LHPP: variants seen among roughly 807,000 people sequenced by gnomAD.
LHPP encodes hLHPP.
A neutral mutation model predicts 30.3 loss-of-function variants in LHPP; 24 were observed. That is an observed-to-expected ratio of 0.79 (90% CI 0.57 to 1.11). The LOEUF is 1.11. Ranked by LOEUF, LHPP falls within the 50% of genes most tolerant of loss-of-function variation. The probability of loss-of-function intolerance (pLI) is 0.00; values close to 1 mark genes in which losing one functional copy is unlikely to be tolerated. For missense variants in LHPP, 356 were observed against 367.2 expected (o/e 0.97, Z 0.25); for synonymous variants, 150 against 157.1 (o/e 0.95, Z 0.34).
chr10:124,554,724 G>T (rs1948263026), intron 6 of LHPP, among the ~76,000 whole-genome samples: 1 of 152,244 alleles, frequency 6.6e-6, no homozygotes, highest in African/African-American at 2.4e-5. Flanking sequence ...TGGGCTGTTA[G>T]CTTGGCGGGT....
At chr10:124,558,012 C>T (rs1259192285) in intron 6 of LHPP, among the ~76,000 whole-genome samples, 1 of 152,158 alleles carries the variant, frequency 6.6e-6, no homozygotes, top group Non-Finnish European at 1.5e-5. Context: ...GGAGCCTGTC[C>T]TCTTGTATCT....
intron 6 of LHPP, among the ~76,000 whole-genome samples, chr10:124,584,683 G>T (rs1193347112): frequency 6.6e-6 from 1 of 152,124 alleles, no homozygotes; most frequent in Non-Finnish European, 1.5e-5. Context: ...CATGAATTCT[G>T]GGGGGACATT....
At chr10:124,595,161 G>A (rs1308405421) in intron 6 of LHPP, among the ~76,000 whole-genome samples, 1 of 152,224 alleles carries the variant, frequency 6.6e-6, no homozygotes, top group Non-Finnish European at 1.5e-5. Context: ...TGCCTTTGGA[G>A]TGACTTCTCC....
At chr10:124,507,278 G>T (rs147766712) in intron 5 of LHPP, among the ~76,000 whole-genome samples, 22 of 60,088 alleles carry the variant, frequency 3.7e-4, no homozygotes, top group African/African-American at 1.1e-3. Flanking sequence ...AGGATTTCAG[G>T]TGGGGGGGTA....
intron 3 of LHPP, among the ~76,000 whole-genome samples, chr10:124,489,592 C>A (rs1417998916): frequency 6.6e-6 from 1 of 152,064 alleles, no homozygotes; most frequent in African/African-American, 2.4e-5. Context: ...GTAGCTGGGA[C>A]TACAGGCGCC....
In LHPP at chr10:124,484,166, G is replaced by T. The variant is rs778152634; in HGVS notation, c.153G>T (p.Arg51Ser). ...TGAAGCGTTCCCGGCTGAAGGTGAG[G>T]TTCTGCACCAACGAGTCGCAGAAGT... Reference protein sequence around the residue: ...ARLKRSRLKVRFCTNESQKSR... With the variant: ...ARLKRSRLKVSFCTNESQKSR... The change falls in exon 2 of 7, where the codon AGG becomes AGT. Residue 51 changes from arginine (R) to serine (S), a missense_variant. By Grantham distance (110) the Arg-to-Ser change is moderately radical. Coordinates refer to ENST00000368842, the MANE Select transcript of LHPP (RefSeq NM_022126.4). The T allele has an allele frequency of 1.2e-5, 20 of 1,614,076 alleles. No individual in the cohort carries two copies. The highest frequency in any genetic ancestry group is 1.1e-4 in the South Asian group (10 of 91,078).
rs982899302 is a variant in LHPP at position 124,593,543 on chromosome 10, G to A, written c.717-19721G>A. Among the ~76,000 whole-genome samples, 14 of 152,300 alleles carry A rather than the reference G, an allele frequency of 9.2e-5. No individual in the cohort carries two copies. The highest frequency in any genetic ancestry group is 3.4e-4 in the African/African-American group (14 of 41,578). ...CCCCCGTGTGTTGGCTGCATGACCC[G>A]AACTTTACTCCCATGTCCTCCTCTT... On this transcript the variant is annotated intron_variant, in intron 6 of 6. Transcript: ENST00000368842. The surrounding 1 kb of genome is among the most constrained non-coding windows in gnomAD (Gnocchi z 4.9).
At chr10:124,497,099 A>G in intron 4 of LHPP, 75 bp downstream of exon 4, 3 of 1,187,160 alleles carry the variant, frequency 2.5e-6, no homozygotes, top group Non-Finnish European at 3.7e-6. Context: ...TTTGTTGAGA[A>G]GAGGCTGTGC....
intron 6 of LHPP, among the ~76,000 whole-genome samples, chr10:124,566,735 G>A (rs1001491814): frequency 6.6e-6 from 1 of 152,182 alleles, no homozygotes; most frequent in African/African-American, 2.4e-5. Flanking sequence ...TGTGTGGTGG[G>A]AGGTCGGGGG....
intron 5 of LHPP, among the ~76,000 whole-genome samples, chr10:124,504,911 C>T (rs543298221): frequency 1.9e-4 from 29 of 152,136 alleles, no homozygotes; most frequent in Non-Finnish European, 1.2e-4. Context: ...TGGGAGGGAG[C>T]GGGGCTGTGG....
At chr10:124,491,340 G>T (rs191413116) in intron 3 of LHPP, among the ~76,000 whole-genome samples, 3 of 152,174 alleles carry the variant, frequency 2.0e-5, no homozygotes, top group African/African-American at 4.8e-5. Context: ...CTTGCTGTAC[G>T]GGACCAGCTG....
intron 6 of LHPP, among the ~76,000 whole-genome samples, chr10:124,608,051 CAG>C (rs1949118675): frequency 6.6e-6 from 1 of 152,164 alleles, no homozygotes; most frequent in Non-Finnish European, 1.5e-5. Flanking sequence ...CAGGAGGGGG[CAG>C]AGCCTCGGCG....
chr10:124,577,928 C>T (rs1385582839), intron 6 of LHPP, among the ~76,000 whole-genome samples: 2 of 152,126 alleles, frequency 1.3e-5, no homozygotes, highest in Non-Finnish European at 2.9e-5. Context: ...CTGGTCCCCA[C>T]CTCGGTGCAG....
At chr10:124,532,035 C>T (rs561125412) in intron 6 of LHPP, among the ~76,000 whole-genome samples, 8 of 152,300 alleles carry the variant, frequency 5.3e-5, no homozygotes, top group South Asian at 2.1e-4. Flanking sequence ...AGTGGGTTAT[C>T]GTCTGTTAAC....
In LHPP at chr10:124,471,548, A is replaced by G. The variant is rs1486024353; in HGVS notation, c.125+9561A>G. Among the ~76,000 whole-genome samples the G allele has an allele frequency of 4.7e-5, 2 of 42,766 alleles. 1 individual carries two copies. Among genetic ancestry groups the G allele is most frequent in the Non-Finnish European group, 9.3e-5 (2 of 21,542 alleles). The allele number at this position is 42,766 out of a possible 152,430, so 28.1% of individuals were successfully genotyped here. A position where few individuals can be genotyped will look rare whatever the true frequency, so the allele number is the denominator to read the frequency against. On this transcript the variant is annotated intron_variant, in intron 1 of 6. Coordinates refer to ENST00000368842, the MANE Select transcript of LHPP (RefSeq NM_022126.4). ...ATTTATATATATTTATATATATTTT[A>G]TATATATTTATATATATATAAATTT... is the stretch of plus-strand genomic sequence containing the variant.
At chr10:124,574,194 C>T (rs777737693) in intron 6 of LHPP, among the ~76,000 whole-genome samples, 1 of 152,212 alleles carries the variant, frequency 6.6e-6, no homozygotes, top group African/African-American at 2.4e-5. Flanking sequence ...TATTTGCTGC[C>T]GCGCAGAACA....
At chr10:124,532,078 C>T (rs11245268) in intron 6 of LHPP, among the ~76,000 whole-genome samples, 96,384 of 152,154 alleles carry the variant, frequency 0.63, 30,717 homozygotes, top group South Asian at 0.78. Context: ...TGGTCCCCGA[C>T]GCAGGCACTG....
chr10:124,509,548 C>T (rs765091619), intron 5 of LHPP, among the ~76,000 whole-genome samples: 2 of 152,092 alleles, frequency 1.3e-5, no homozygotes, highest in Non-Finnish European at 2.9e-5. Context: ...TCCTTACCAA[C>T]ACCATGATTT....
chr10:124,535,573 A>ATTTT (rs34086090), intron 6 of LHPP, among the ~76,000 whole-genome samples: 1 of 146,728 alleles, frequency 6.8e-6, no homozygotes, highest in Non-Finnish European at 1.5e-5. Context: ...TTAAAAAAAC[A>ATTTT]TTTTTTTTTT....
Sources: allele counts gnomAD v4.1 joint callset (sites outside exome capture counted in the v4.1 genomes callset), GRCh38; gene constraint gnomAD v4.1.1; non-coding constraint Gnocchi (gnomAD v3.1); transcripts MANE v1.5; gene names NCBI Gene and HGNC (gene_info 2026-07-23, HGNC 2026-07-21).